The following ADCK1 variants were observed in gnomAD, a reference collection of about 807,000 sequenced individuals.
ADCK1 encodes the protein aarF domain containing kinase 1.
A neutral mutation model predicts 52.3 loss-of-function variants in ADCK1; 41 were observed. The observed-to-expected ratio is 0.78, with a 90% CI of 0.61 to 1.02. The LOEUF is 1.02. Ranked by LOEUF, ADCK1 falls within the 50% of genes least tolerant of loss-of-function variation. The pLI is 0.00. For missense variants in ADCK1, 658 were observed against 679.5 expected (o/e 0.97, Z 0.35); for synonymous variants, 250 against 274.6 (o/e 0.91, Z 0.89).
intron 1 of ADCK1, among the ~76,000 whole-genome samples, chr14:77,803,994 A>G (rs1566618616): frequency 6.6e-6 from 1 of 152,198 alleles, no homozygotes; most frequent in East Asian, 1.9e-4. Flanking sequence ...CCTCATTTAT[A>G]CCTGGGGATG....
intron 1 of ADCK1, among the ~76,000 whole-genome samples, chr14:77,808,091 A>G (rs1300168126): frequency 6.6e-6 from 1 of 152,210 alleles, no homozygotes; most frequent in East Asian, 1.9e-4. Context: ...AAGGGTGCCC[A>G]TGAGGGTGGA....
intron 3 of ADCK1, among the ~76,000 whole-genome samples, chr14:77,836,637 C>T (rs1594904620): frequency 6.6e-6 from 1 of 152,200 alleles, no homozygotes; most frequent in East Asian, 1.9e-4. Flanking sequence ...CCCCCAGGAC[C>T]ATGCTGCTGG....
At chr14:77,857,164 C>G (rs899797956) in intron 3 of ADCK1, among the ~76,000 whole-genome samples, 1 of 151,428 alleles carries the variant, frequency 6.6e-6, no homozygotes, top group African/African-American at 2.4e-5. Flanking sequence ...TGAGCAGCAG[C>G]GATCTGGGCG....
chr14:77,921,650 C>T (rs965688855), intron 7 of ADCK1, among the ~76,000 whole-genome samples: 6 of 152,138 alleles, frequency 3.9e-5, no homozygotes, highest in Middle Eastern at 3.2e-3. Context: ...ACATTAGGAA[C>T]AGTCCCAAAT....
chr14:77,814,695 CAAAAAAAAAAAAAA>C (rs995163952), intron 1 of ADCK1, among the ~76,000 whole-genome samples: 1 of 35,922 alleles, frequency 2.8e-5, no homozygotes, highest in Non-Finnish European at 5.5e-5. Flanking sequence ...AAGACACTCT[CAAAAAAAAAAAAAA>C]AAAAAAAAAA....
At chr14:77,928,750 G>A (rs755776106) in intron 9 of ADCK1, among the ~76,000 whole-genome samples, 4 of 152,092 alleles carry the variant, frequency 2.6e-5, no homozygotes. Context: ...ATGAGCCACC[G>A]TGCCCAGCCT....
At chr14:77,836,669 A>ACC (rs1447977507) in intron 3 of ADCK1, among the ~76,000 whole-genome samples, 1 of 151,652 alleles carries the variant, frequency 6.6e-6, no homozygotes, top group Non-Finnish European at 1.5e-5. Flanking sequence ...CTAGGGAAGA[A>ACC]CCCTTCCTTG....
In ADCK1 at chr14:77,924,482, A is replaced by G. The variant is rs1347101013; in HGVS notation, c.884A>G (p.Tyr295Cys). 1.2e-6 allele frequency: 2 copies of G among 1,614,026 alleles called. No homozygotes were observed. Among genetic ancestry groups the G allele is most frequent in the Admixed American group, 1.7e-5 (1 of 60,010 alleles). ...ATCTCACGCCACCTGGGCAAGATGT[A>G]TAGTGAGATGATCTTCGTCAATGGC... ...NEISRHLGKM[Y>C]SEMIFVNGFV... Residue 295 changes from tyrosine (Y) to cysteine (C), a missense_variant, in exon 8 of 11, where the codon TAT (tyrosine) becomes TGT (cysteine). By Grantham distance (194) the Tyr-to-Cys change is radical. Coordinates refer to ENST00000238561, the MANE Select transcript of ADCK1 (RefSeq NM_020421.4).
intron 3 of ADCK1, among the ~76,000 whole-genome samples, chr14:77,826,413 C>T (rs373215222): frequency 3.9e-5 from 6 of 152,092 alleles, no homozygotes; most frequent in South Asian, 2.1e-4. Flanking sequence ...TCAAGGTTGG[C>T]GCAGGAAGGC....
chr14:77,868,374 A>C (rs1188056546), intron 4 of ADCK1, among the ~76,000 whole-genome samples: 3 of 152,190 alleles, frequency 2.0e-5, no homozygotes, highest in Non-Finnish European at 4.4e-5. Context: ...GCAGCACTCA[A>C]TCGAGCAATC....
intron 6 of ADCK1, among the ~76,000 whole-genome samples, chr14:77,907,445 G>A (rs1439722767): frequency 6.6e-6 from 1 of 152,234 alleles, no homozygotes; most frequent in Non-Finnish European, 1.5e-5. Context: ...GCCTGGTGGC[G>A]GGATGGGGAG....
At chr14:77,836,193 C>A (rs1172005116) in intron 3 of ADCK1, among the ~76,000 whole-genome samples, 1 of 152,236 alleles carries the variant, frequency 6.6e-6, no homozygotes, top group Non-Finnish European at 1.5e-5. Context: ...CTTCTACCTT[C>A]CATTATGGGA....
intron 1 of ADCK1, among the ~76,000 whole-genome samples, chr14:77,806,903 TG>T (rs1236616634): frequency 6.6e-6 from 1 of 151,792 alleles, no homozygotes; most frequent in Non-Finnish European, 1.5e-5. Flanking sequence ...TTAGGAGAGA[TG>T]GTGTTTCACC....
intron 3 of ADCK1, among the ~76,000 whole-genome samples, chr14:77,824,812 T>C (rs752802929): frequency 4.8e-4 from 73 of 152,334 alleles, no homozygotes; most frequent in East Asian, 5.8e-4. Context: ...AAGGTTGACA[T>C]TTTCTACATC....
At chr14:77,853,803 G>A (rs1010063518) in intron 3 of ADCK1, among the ~76,000 whole-genome samples, 1 of 152,124 alleles carries the variant, frequency 6.6e-6, no homozygotes, top group South Asian at 2.1e-4. Context: ...CAGATCTTTA[G>A]TGTTCTTTTT....
intron 5 of ADCK1, among the ~76,000 whole-genome samples, chr14:77,898,443 G>A (rs1423250732): frequency 1.3e-5 from 2 of 152,182 alleles, no homozygotes; most frequent in Admixed American, 6.5e-5. Flanking sequence ...TATACACCAT[G>A]GAATACTATG....
intron 7 of ADCK1, among the ~76,000 whole-genome samples, chr14:77,914,068 C>A (rs1407649715): frequency 1.3e-5 from 2 of 152,098 alleles, no homozygotes; most frequent in Non-Finnish European, 2.9e-5. Flanking sequence ...TTTTTCAGAA[C>A]CCCCAAATCT....
intron 3 of ADCK1, among the ~76,000 whole-genome samples, chr14:77,823,939 C>T (rs542354097): frequency 6.6e-6 from 1 of 151,734 alleles, no homozygotes; most frequent in Non-Finnish European, 1.5e-5. Context: ...TACTCTTTGG[C>T]CCAGGCTGGA....
intron 3 of ADCK1, among the ~76,000 whole-genome samples, chr14:77,824,436 C>CTTTTTT (rs755099441): frequency 7.5e-6 from 1 of 133,960 alleles, no homozygotes; most frequent in African/African-American, 2.9e-5. Context: ...TTCTTTCTTT[C>CTTTTTT]TTTTTTTTTT....
Sources: gnomAD v4.1 joint callset for allele counts (sites outside exome capture counted in the v4.1 genomes callset) on GRCh38, gnomAD v4.1.1 for gene constraint, MANE v1.5 for transcripts, NCBI Gene and HGNC (gene_info 2026-07-23, HGNC 2026-07-21) for gene names.